The following EP300 variants were observed in gnomAD, a reference collection of about 807,000 sequenced individuals.
The protein encoded by EP300 is histone acetyltransferase p300.
A neutral mutation model predicts 264.0 loss-of-function variants in EP300; 31 were observed. That is an observed-to-expected ratio of 0.12 (90% confidence interval 0.09 to 0.16). EP300 has a LOEUF of 0.16. Among genes scored for constraint, EP300 ranks in the 10% least tolerant of loss-of-function variants. The pLI is 1.00. For missense variants in EP300, 2,766 were observed against 3,052.9 expected (o/e 0.91, Z 2.21); for synonymous variants, 1,340 against 1,045.4 (o/e 1.28, Z -5.44).
At chr22:41,175,273 A>T (rs907760786) in intron 29 of EP300, among the ~76,000 whole-genome samples, 8 of 20,470 alleles carry the variant, frequency 3.9e-4, no homozygotes, top group Admixed American at 2.3e-3. Flanking sequence ...CTGGCCAGAG[A>T]CTGTGAGTGT....
intron 21 of EP300, 122 bp downstream of exon 21, chr22:41,162,901 C>T (rs952612225): frequency 6.9e-5 from 55 of 796,972 alleles, no homozygotes; most frequent in Middle Eastern, 2.2e-4. Flanking sequence ...ACATAACATA[C>T]ATCTAATGGA....
chr22:41,104,291 T>C (rs1271407419), intron 1 of EP300, among the ~76,000 whole-genome samples: 2 of 151,846 alleles, frequency 1.3e-5, no homozygotes, highest in East Asian at 3.9e-4. Flanking sequence ...CATGTAGTTT[T>C]TTTGGTTTTT....
At chr22:41,104,343 G>A (rs2058746727) in intron 1 of EP300, among the ~76,000 whole-genome samples, 1 of 151,762 alleles carries the variant, frequency 6.6e-6, no homozygotes, top group African/African-American at 2.4e-5. Flanking sequence ...AGGCTGGAGT[G>A]CAGTGGTGTA....
Position 41,180,058 on chromosome 22 carries a change from TAAAC to T in EP300, c.*1103_*1106del. The T allele has an allele frequency of 4.3e-6, 1 of 230,280 alleles. No homozygotes were observed. The highest frequency in any genetic ancestry group is 6.2e-5 in the East Asian group (1 of 16,188). 14.3% of individuals were successfully genotyped at this position (230,280 alleles called of 1,614,324 possible). ...TGATTTCTTATTACCTATTGTTAAATAAACTGTGTGAGACAGACACCCTGACTTT... is the reference window on the plus strand; with the variant it reads ...TGATTTCTTATTACCTATTGTTAAATTGTGTGAGACAGACACCCTGACTTT... On this transcript the variant is annotated 3_prime_UTR_variant, in exon 31 of 31. Coordinates refer to ENST00000263253, the MANE Select transcript of EP300 (RefSeq NM_001429.4).
At chr22:41,095,039 T>G (rs1012848993) in intron 1 of EP300, among the ~76,000 whole-genome samples, 2 of 152,090 alleles carry the variant, frequency 1.3e-5, no homozygotes, top group African/African-American at 2.4e-5. Context: ...TGCTAAGAGT[T>G]TATCTTAGTT....
chr22:41,172,916 A>C (rs2059179057), intron 28 of EP300, among the ~76,000 whole-genome samples: 1 of 152,240 alleles, frequency 6.6e-6, no homozygotes, highest in South Asian at 2.1e-4. Flanking sequence ...AACTGAAGGA[A>C]ATCCTGAAAA....
chr22:41,101,144 G>A (rs1459584716), intron 1 of EP300, among the ~76,000 whole-genome samples: 1 of 152,110 alleles, frequency 6.6e-6, no homozygotes, highest in Admixed American at 6.5e-5. Flanking sequence ...GTGCAATCCT[G>A]GCTCACTGTA....
At chr22:41,098,190 A>AT (rs1405317203) in intron 1 of EP300, among the ~76,000 whole-genome samples, 1 of 151,484 alleles carries the variant, frequency 6.6e-6, no homozygotes, top group Non-Finnish European at 1.5e-5. Context: ...TTCGCAGGTG[A>AT]TTTTTTTTCG....
intron 27 of EP300, among the ~76,000 whole-genome samples, chr22:41,171,971 T>TA (rs1258774346): frequency 2.0e-5 from 3 of 152,234 alleles, no homozygotes; most frequent in Non-Finnish European, 2.9e-5. Context: ...TGTCTCATGA[T>TA]ACAGACTTGT....
At chr22:41,138,271 C>G (rs563329890) in intron 8 of EP300, among the ~76,000 whole-genome samples, 7 of 152,246 alleles carry the variant, frequency 4.6e-5, no homozygotes, top group African/African-American at 9.6e-5. Context: ...GCCAGTGATT[C>G]TCCTGTCTCA....
intron 2 of EP300, 94 bp from the exon 3 acceptor site, chr22:41,125,770 C>A: frequency 7.4e-7 from 1 of 1,352,848 alleles, no homozygotes; most frequent in Non-Finnish European, 1.0e-6. Context: ...TCCTTTGAAA[C>A]TGTCTTTGTG....
chr22:41,135,734 T>C lies in EP300; in HGVS notation c.1529-79T>C, dbSNP rs927997602. The C allele has an allele frequency of 1.3e-5, 15 of 1,140,612 alleles. No individual in the cohort carries two copies. In the African/African-American group the frequency reaches 1.7e-4, roughly 13 times the overall value. 70.7% of individuals were successfully genotyped at this position (1,140,612 alleles called of 1,614,324 possible). ...CAAATTTTTTTTCTGATTTGTCATT[T>C]GTTTCTTAACTTTATAGTATTTATT... On this transcript the variant is annotated intron_variant, in intron 6 of 30. Coordinates refer to ENST00000263253, the MANE Select transcript of EP300 (RefSeq NM_001429.4).
Position 41,178,756 on chromosome 22 carries a change from C to T in EP300, c.7045C>T (p.Pro2349Ser), listed in dbSNP as rs760818192. The change falls in exon 31 of 31, where the codon CCT (proline) becomes TCT (serine). Residue 2349 changes from proline (P) to serine (S), a missense_variant. By Grantham distance (74) the Pro-to-Ser change is moderately conservative. Coordinates refer to ENST00000263253, the MANE Select transcript of EP300 (RefSeq NM_001429.4). Reference protein sequence around the residue: ...HVSPQTSSPHPGLVAAQANPM... With the variant: ...HVSPQTSSPHSGLVAAQANPM... ...TTCCCCACAGACAAGTTCCCCACAT[C>T]CTGGACTGGTAGCTGCCCAGGCCAA... 7 of 1,614,200 alleles carry T rather than the reference C, an allele frequency of 4.3e-6. No individual in the cohort carries two copies. Among genetic ancestry groups the T allele is most frequent in the Middle Eastern group, 1.6e-4 (1 of 6,062 alleles).
At chr22:41,162,996 C>T (rs1180917429) in intron 21 of EP300, among the ~76,000 whole-genome samples, 1 of 152,126 alleles carries the variant, frequency 6.6e-6, no homozygotes, top group Non-Finnish European at 1.5e-5. Context: ...GAATGTGAAA[C>T]ATTAAAGATC....
At chr22:41,156,495 C>T (rs1044559737) in intron 17 of EP300, among the ~76,000 whole-genome samples, 1 of 152,118 alleles carries the variant, frequency 6.6e-6, no homozygotes, top group African/African-American at 2.4e-5. Flanking sequence ...CCAAGGCAGG[C>T]AGATCACTTG....
At chr22:41,101,831 T>G (rs1334156950) in intron 1 of EP300, among the ~76,000 whole-genome samples, 1 of 152,090 alleles carries the variant, frequency 6.6e-6, no homozygotes, top group Admixed American at 6.6e-5. Context: ...CCACTATGCC[T>G]GCCTCTAAGA....
chr22:41,118,427 T>TG (rs2058833289), intron 2 of EP300, among the ~76,000 whole-genome samples: 1 of 152,256 alleles, frequency 6.6e-6, no homozygotes, highest in Non-Finnish European at 1.5e-5. Flanking sequence ...AAATAAGGCA[T>TG]AATCACACAT....
chr22:41,126,338 C>T (rs1053031661), intron 3 of EP300: 7 of 336,478 alleles, frequency 2.1e-5, no homozygotes, highest in East Asian at 1.2e-4. Context: ...CGTTTCCATA[C>T]GATACGAAAG....
In EP300 at chr22:41,147,827, A is replaced by G; in HGVS notation, c.2132-10A>G. ...GGCATTCAGATCTAACATTTTGCTC[A>G]TATTCACAGGTTTGAATCAATTTGG... On this transcript the variant is annotated splice_polypyrimidine_tract_variant and intron_variant, in intron 11 of 30. Transcript: ENST00000263253. The G allele has an allele frequency of 2.5e-6, 4 of 1,595,622 alleles. No individual in the cohort carries two copies. Among genetic ancestry groups the G allele is most frequent in the Non-Finnish European group, 3.4e-6 (4 of 1,163,244 alleles).
Sources: allele counts gnomAD v4.1 joint callset (sites outside exome capture counted in the v4.1 genomes callset), GRCh38; gene constraint gnomAD v4.1.1; transcripts MANE v1.5; gene names NCBI Gene and HGNC (gene_info 2026-07-23, HGNC 2026-07-21).